The following MTUS2 variants were observed in gnomAD, a reference collection of about 807,000 sequenced individuals.
MTUS2 encodes the protein microtubule associated scaffold protein 2, also known as microtubule-associated tumor suppressor candidate 2.
A neutral mutation model predicts 114.1 loss-of-function variants in MTUS2; 40 were observed. That is an observed-to-expected ratio of 0.35 (90% CI 0.27 to 0.46). The LOEUF (loss-of-function observed/expected upper bound fraction) is 0.46, where lower values mean the gene tolerates loss of function less well. Ranked by LOEUF, MTUS2 falls within the 20% of genes least tolerant of loss-of-function variation. MTUS2 has a pLI of 1.00. For synonymous variants in MTUS2, 688 were observed against 672.0 expected (o/e 1.02, Z -0.37); for missense variants, 1,679 against 1,705.4 (o/e 0.98, Z 0.27).
chr13:28,959,157 T>C (rs1263764424), intron 2 of MTUS2, among the ~76,000 whole-genome samples: 1 of 152,072 alleles, frequency 6.6e-6, no homozygotes, highest in Non-Finnish European at 1.5e-5. Flanking sequence ...CAGCCGGCTT[T>C]CTCTAGCCAG....
chr13:29,503,519 A>G lies in MTUS2; in HGVS notation c.*313A>G, dbSNP rs1349307233. ...TTAGTTACAAAAAGCTCAGTTTTCA[A>G]TATACATTGAATAATCATTGTGTAC... On this transcript the variant is annotated 3_prime_UTR_variant, in exon 16 of 16. Transcript: ENST00000612955. 1.2e-5 allele frequency: 6 copies of G among 506,692 alleles called. No individual in the cohort carries two copies. Among genetic ancestry groups the G allele is most frequent in the African/African-American group, 1.9e-5 (1 of 52,558 alleles). The allele number at this position is 506,692 out of a possible 1,614,324, so 31.4% of individuals were successfully genotyped here.
intron 5 of MTUS2, among the ~76,000 whole-genome samples, chr13:29,199,685 C>T (rs1461703166): frequency 6.6e-6 from 1 of 151,872 alleles, no homozygotes; most frequent in Non-Finnish European, 1.5e-5. Flanking sequence ...GTTTTGGTAT[C>T]AGGATGATGC....
intron 5 of MTUS2, among the ~76,000 whole-genome samples, chr13:29,127,144 TTAGCTTTAG>T (rs1276179878): frequency 5.3e-5 from 8 of 152,152 alleles, no homozygotes; most frequent in African/African-American, 7.2e-5. Flanking sequence ...CCTTAAAACC[TTAGCTTTAG>T]TAGCACTTCC....
rs1159508710 is a variant in MTUS2, at chr13:29,380,918, G to A, written c.3117+21445G>A. On this transcript the variant is annotated intron_variant, in intron 8 of 15. Coordinates refer to ENST00000612955, the MANE Select transcript of MTUS2 (RefSeq NM_001033602.4). ...GGCCTGGGCGACAGAGCGAGACTCCGTCTCAAAAAAAAAAAAAAAAAAAAA... is the reference window on the plus strand; with the variant it reads ...GGCCTGGGCGACAGAGCGAGACTCCATCTCAAAAAAAAAAAAAAAAAAAAA... Among the ~76,000 whole-genome samples the A allele has an allele frequency of 9.4e-4, 8 of 8,490 alleles. 2 individuals carry two copies. The highest frequency in any genetic ancestry group is 1.3e-3 in the African/African-American group (8 of 6,216). 5.6% of individuals were successfully genotyped at this position (8,490 alleles called of 152,430 possible). A position where few individuals can be genotyped will look rare whatever the true frequency, so the allele number is the denominator to read the frequency against.
At chr13:28,925,837 C>A (rs116947756) in intron 2 of MTUS2, among the ~76,000 whole-genome samples, 1 of 152,148 alleles carries the variant, frequency 6.6e-6, no homozygotes. Context: ...TAGCTGTTAG[C>A]GTTTCTTGTG....
At chr13:29,144,434 G>A (rs61945870) in intron 5 of MTUS2, among the ~76,000 whole-genome samples, 59,040 of 151,290 alleles carry the variant, frequency 0.39, 13,628 homozygotes, top group Non-Finnish European at 0.48. Context: ...TGCAGTCGTG[G>A]CTCACTGCAT....
At chr13:28,977,924 C>T (rs1460350086) in intron 2 of MTUS2, among the ~76,000 whole-genome samples, 2 of 152,162 alleles carry the variant, frequency 1.3e-5, no homozygotes, top group Non-Finnish European at 2.9e-5. Context: ...TTTTTGCCAG[C>T]TGTAATACAT....
At chr13:29,444,625 C>T (rs948194711) in intron 9 of MTUS2, among the ~76,000 whole-genome samples, 2 of 152,124 alleles carry the variant, frequency 1.3e-5, no homozygotes, top group Non-Finnish European at 2.9e-5. Flanking sequence ...ATTCAATGAA[C>T]TACACTGAAG....
chr13:29,056,929 T>G (rs1383180231), intron 4 of MTUS2, among the ~76,000 whole-genome samples: 1 of 152,088 alleles, frequency 6.6e-6, no homozygotes, highest in Non-Finnish European at 1.5e-5. Flanking sequence ...TCTTTCCAAC[T>G]TTTATGTGGG....
chr13:29,336,835 C>T (rs1444368908), intron 7 of MTUS2, among the ~76,000 whole-genome samples: 6 of 152,200 alleles, frequency 3.9e-5, no homozygotes, highest in African/African-American at 1.2e-4. Context: ...TTCAGAATTC[C>T]CTGCCCAGAG....
chr13:28,912,996 C>T (rs1269433162), intron 2 of MTUS2, among the ~76,000 whole-genome samples: 2 of 152,102 alleles, frequency 1.3e-5, no homozygotes, highest in African/African-American at 4.8e-5. Context: ...TGCTTATCAG[C>T]TTAAGAAGCT....
chr13:29,130,597 G>T (rs1891719259), intron 5 of MTUS2, among the ~76,000 whole-genome samples: 1 of 152,030 alleles, frequency 6.6e-6, no homozygotes. Flanking sequence ...TTCATTATGT[G>T]TATTCAATTT....
chr13:29,490,060 G>A (rs1881945841), intron 11 of MTUS2: 1 of 152,156 alleles, frequency 6.6e-6, no homozygotes, highest in African/African-American at 2.4e-5. Context: ...TGATGTCAAG[G>A]CCATGTGCGT....
chr13:29,427,459 A>G (rs532898933), intron 8 of MTUS2, among the ~76,000 whole-genome samples: 1 of 152,322 alleles, frequency 6.6e-6, no homozygotes, highest in African/African-American at 2.4e-5. Flanking sequence ...TTATGTGAAT[A>G]TTATTATAGC....
chr13:29,244,913 G>A (rs973700168), intron 5 of MTUS2, among the ~76,000 whole-genome samples: 208 of 124,468 alleles, frequency 1.7e-3, no homozygotes, highest in Non-Finnish European at 2.7e-3. Context: ...CCGAGATCCC[G>A]CCACTGCACT....
intron 1 of MTUS2, among the ~76,000 whole-genome samples, chr13:28,832,882 GAATA>G (rs1004212676): frequency 3.3e-5 from 5 of 151,486 alleles, no homozygotes; most frequent in Non-Finnish European, 5.9e-5. Context: ...ATTAAAATCA[GAATA>G]AAAGAAGGAG....
chr13:29,253,091 T>C (rs1032495111), intron 5 of MTUS2, among the ~76,000 whole-genome samples: 2 of 151,126 alleles, frequency 1.3e-5, no homozygotes, highest in African/African-American at 4.9e-5. Flanking sequence ...TTTTTTTTTT[T>C]CTTCTCAGGG....
intron 5 of MTUS2, among the ~76,000 whole-genome samples, chr13:29,140,268 G>A (rs554817889): frequency 2.6e-5 from 4 of 152,302 alleles, no homozygotes; most frequent in Admixed American, 2.6e-4. Flanking sequence ...TTAGGAATAA[G>A]CCATGAAGAG....
At chr13:29,252,731 C>T (rs905006477) in intron 5 of MTUS2, among the ~76,000 whole-genome samples, 7 of 151,984 alleles carry the variant, frequency 4.6e-5, no homozygotes, top group Non-Finnish European at 7.4e-5. Flanking sequence ...CACGAGATCC[C>T]TCATACTGTT....
Sources: allele counts gnomAD v4.1 joint callset (sites outside exome capture counted in the v4.1 genomes callset), GRCh38; gene constraint gnomAD v4.1.1; transcripts MANE v1.5; gene names NCBI Gene and HGNC (gene_info 2026-07-23, HGNC 2026-07-21).